Variants in LIMS4 observed in about 807,000 individuals in gnomAD.
LIMS4 encodes LIM and senescent cell antigen-like-containing domain protein 4.
the LIMS4 span, among the ~76,000 whole-genome samples, chr2:110,419,037 TC>T: frequency 1.2e-5 from 1 of 82,502 alleles, no homozygotes; most frequent in African/African-American, 5.4e-5. Context: ...TTTATTTTCC[TC>T]CTCCCAAGAC....
At chr2:110,379,230 GTTT>G in the LIMS4 span, among the ~76,000 whole-genome samples, 1,708 of 151,344 alleles carry the variant, frequency 0.011, 2 homozygotes, top group African/African-American at 0.04. Context: ...TTGCTTGCTT[GTTT>G]GGTTGGTTTG....
the LIMS4 span, among the ~76,000 whole-genome samples, chr2:110,424,504 C>T: frequency 8.4e-5 from 12 of 142,500 alleles, 1 homozygote; most frequent in Non-Finnish European, 1.3e-4. Flanking sequence ...TAAGCCCTGG[C>T]GGGCAAAGCA....
chr2:110,367,881 CA>C, the LIMS4 span, among the ~76,000 whole-genome samples: 3 of 140,302 alleles, frequency 2.1e-5, no homozygotes, highest in Non-Finnish European at 1.5e-5. Flanking sequence ...AGACCCCTCT[CA>C]AAAAAGAAAA....
At chr2:110,425,212 C>T in the LIMS4 span, among the ~76,000 whole-genome samples, 1 of 142,792 alleles carries the variant, frequency 7.0e-6, no homozygotes, top group South Asian at 2.2e-4. Flanking sequence ...GGCAACATAT[C>T]CAGACCAGAT....
At chr2:110,382,094 AAAAAATATATATATATAT>A in the LIMS4 span, among the ~76,000 whole-genome samples, 1 of 83,972 alleles carries the variant, frequency 1.2e-5, no homozygotes, top group Non-Finnish European at 2.1e-5. Context: ...AAAAAAAAAA[AAAAAATATATATATATAT>A]ATATATATAT....
chr2:110,447,516 G>A (rs1483450550), intron 8 of LIMS4, among the ~76,000 whole-genome samples: 1 of 16,190 alleles, frequency 6.2e-5, no homozygotes, highest in African/African-American at 1.6e-4. Context: ...GTGCAGTGGC[G>A]CAATCACAGC....
chr2:110,367,610 G>A, the LIMS4 span, among the ~76,000 whole-genome samples: 15 of 142,890 alleles, frequency 1.0e-4, 1 homozygote, highest in African/African-American at 1.7e-4. Flanking sequence ...GTAAGACTTC[G>A]AACTATAAAA....
chr2:110,362,055 A>G, the LIMS4 span: 4 of 1,278,066 alleles, frequency 3.1e-6, no homozygotes, highest in Admixed American at 5.5e-5. Context: ...ATGGCCCTGC[A>G]CTCAGGGCAG....
chr2:110,392,216 C>T, the LIMS4 span, among the ~76,000 whole-genome samples: 74 of 151,718 alleles, frequency 4.9e-4, no homozygotes, highest in Non-Finnish European at 7.9e-4. Flanking sequence ...GGGAGGGAAA[C>T]TGTGCCAGTG....
the LIMS4 span, among the ~76,000 whole-genome samples, chr2:110,366,944 G>C: frequency 8.0e-6 from 1 of 125,574 alleles, no homozygotes; most frequent in Admixed American, 8.3e-5. Flanking sequence ...ATTCACAATA[G>C]ACACACACAC....
the LIMS4 span, among the ~76,000 whole-genome samples, chr2:110,401,620 G>T: frequency 7.6e-6 from 1 of 131,496 alleles, no homozygotes; most frequent in Non-Finnish European, 1.6e-5. Context: ...AATGATTAAT[G>T]ATATTCATAT....
At chr2:110,376,239 T>C in the LIMS4 span, 2 of 138,698 alleles carry the variant, frequency 1.4e-5, no homozygotes, top group Non-Finnish European at 3.0e-5. Context: ...AAGCTCCTTA[T>C]AGAGAAGCTC....
chr2:110,365,698 TAA>T, the LIMS4 span, among the ~76,000 whole-genome samples: 1 of 130,446 alleles, frequency 7.7e-6, no homozygotes, highest in African/African-American at 3.4e-5. Flanking sequence ...CGAACTGAAA[TAA>T]AGTGATGCAT....
chr2:110,425,604 G>A, the LIMS4 span, among the ~76,000 whole-genome samples: 1 of 141,986 alleles, frequency 7.0e-6, no homozygotes, highest in East Asian at 2.0e-4. Context: ...TGGCCTGGTG[G>A]AATCACCCTT....
the LIMS4 span, chr2:110,407,790 T>G: frequency 2.0e-5 from 2 of 98,236 alleles, no homozygotes; most frequent in East Asian, 4.0e-4. Context: ...AAAAAAAAAG[T>G]ATTGGATTAC....
chr2:110,371,972 T>C, the LIMS4 span, among the ~76,000 whole-genome samples: 3 of 152,048 alleles, frequency 2.0e-5, no homozygotes, highest in Non-Finnish European at 4.4e-5. Flanking sequence ...GGGTGGAAGA[T>C]GCCTGTCGCC....
At chr2:110,375,770 TC>T in the LIMS4 span, 1 of 6,820 alleles carries the variant, frequency 1.5e-4, no homozygotes, top group South Asian at 4.3e-3. Flanking sequence ...TGAGCCCACT[TC>T]CCCCATCTCA....
the LIMS4 span, among the ~76,000 whole-genome samples, chr2:110,392,798 CAGAGACATCCATCTGATG>C: frequency 4.2e-5 from 6 of 143,212 alleles, no homozygotes; most frequent in African/African-American, 1.4e-4. Flanking sequence ...GCAAGAAAGA[CAGAGACATCCATCTGATG>C]AAGGAACCCT....
At chr2:110,379,024 G>A in the LIMS4 span, among the ~76,000 whole-genome samples, 1 of 148,596 alleles carries the variant, frequency 6.7e-6, no homozygotes, top group South Asian at 2.1e-4. Context: ...AAGAAATCTG[G>A]AGAATATATG....
Sources: gnomAD v4.1 joint callset for allele counts (sites outside exome capture counted in the v4.1 genomes callset) on GRCh38, gnomAD v4.1.1 for gene constraint, MANE v1.5 for transcripts, NCBI Gene and HGNC (gene_info 2026-07-23, HGNC 2026-07-21) for gene names.